The following PAX3 variants were observed in gnomAD, a reference collection of about 807,000 sequenced individuals.
The protein encoded by PAX3 is paired box protein Pax-3.
In PAX3, 14 loss-of-function variants were observed where a neutral mutation model predicts 51.6. The observed-to-expected ratio is 0.27, with a 90% CI of 0.18 to 0.42. The LOEUF is 0.42. Ranked by LOEUF, PAX3 falls within the 10% of genes least tolerant of loss-of-function variation. PAX3 has a pLI of 1.00. For synonymous variants in PAX3, 280 were observed against 253.4 expected (o/e 1.11, Z -1.00); for missense variants, 540 against 642.8 (o/e 0.84, Z 1.73).
intron 4 of PAX3, among the ~76,000 whole-genome samples, chr2:222,251,293 C>G (rs1426634850): frequency 6.6e-6 from 1 of 152,056 alleles, no homozygotes; most frequent in Non-Finnish European, 1.5e-5. Context: ...TGTGATGTTC[C>G]CCTTCCTGTG....
At chr2:222,283,838 C>T (rs550825272) in intron 4 of PAX3, among the ~76,000 whole-genome samples, 1 of 152,238 alleles carries the variant, frequency 6.6e-6, no homozygotes, top group Non-Finnish European at 1.5e-5. Context: ...CCAGTGCATG[C>T]GGGGATAAGA....
In PAX3 at chr2:222,294,286, C is replaced by A. The variant is rs768608755; in HGVS notation, c.467G>T (p.Arg156Leu). 4 of 1,614,072 alleles carry A rather than the reference C, an allele frequency of 2.5e-6. No individual in the cohort carries two copies. The highest frequency in any genetic ancestry group is 1.1e-5 in the South Asian group (1 of 91,086). The stretch of plus-strand genomic sequence containing the variant: ...TTTCCCGAATTTACTTCTCAGGATG[C>A]GGCTGATGGAACTCACTGGGGGCGG... Reference protein sequence around the residue: ...NTVPSVSSISRILRSKFGKGE... With the variant: ...NTVPSVSSISLILRSKFGKGE... The change falls in exon 4 of 9, where the codon CGC (arginine) becomes CTC (leucine). Residue 156 changes from arginine (R) to leucine (L), a missense_variant. Around this residue, in one of 3 missense-constraint regions of PAX3, gnomAD observed 427 missense variants for 483.6 expected, o/e 0.88. Transcript: ENST00000392070.
chr2:222,220,400 G>T (rs769339706), intron 6 of PAX3, 46 bp from the exon 7 acceptor site: 1 of 1,589,346 alleles, frequency 6.3e-7, no homozygotes, highest in Non-Finnish European at 8.6e-7. Context: ...TTTTAGGCCA[G>T]CAGAGAAAGT....
chr2:222,232,549 C>T (rs1042318734), intron 4 of PAX3, among the ~76,000 whole-genome samples: 3 of 152,164 alleles, frequency 2.0e-5, no homozygotes, highest in African/African-American at 7.2e-5. Flanking sequence ...AATCTCTTCT[C>T]CTACTCTATC....
chr2:222,297,534 G>A (rs529448356), intron 1 of PAX3, among the ~76,000 whole-genome samples: 9 of 152,180 alleles, frequency 5.9e-5, no homozygotes, highest in Non-Finnish European at 1.2e-4. Context: ...AGTCTAGCTT[G>A]CTCTAGAAAC....
chr2:222,276,019 G>A (rs940385512), intron 4 of PAX3, among the ~76,000 whole-genome samples: 2 of 152,190 alleles, frequency 1.3e-5, no homozygotes, highest in African/African-American at 4.8e-5. Flanking sequence ...TATTGTCTGA[G>A]TCTCCTTCTC....
intron 4 of PAX3, among the ~76,000 whole-genome samples, chr2:222,282,062 A>G (rs1694667292): frequency 6.6e-6 from 1 of 152,202 alleles, no homozygotes; most frequent in Admixed American, 6.5e-5. Context: ...ATTTTTTTAA[A>G]ACCAAATCAA....
intron 4 of PAX3, among the ~76,000 whole-genome samples, chr2:222,237,643 G>T (rs185644468): frequency 3.1e-4 from 47 of 152,252 alleles, no homozygotes; most frequent in Admixed American, 1.3e-3. Flanking sequence ...ACTTTGCCAA[G>T]ATATTAAATG....
At chr2:222,294,056 G>A (rs1695151759) in intron 4 of PAX3, 111 bp downstream of exon 4, 1 of 1,577,474 alleles carries the variant, frequency 6.3e-7, no homozygotes, top group Non-Finnish European at 8.6e-7. Flanking sequence ...CACCGCGCAT[G>A]AAGGGACCTT....
Position 222,237,471 on chromosome 2 carries a change from C to T in PAX3, c.587-5188G>A, listed in dbSNP as rs548520316. Among the ~76,000 whole-genome samples the T allele has an allele frequency of 5.9e-5, 9 of 152,178 alleles. No homozygotes were observed. In the South Asian group the frequency reaches 1.9e-3, roughly 32 times the overall value. ...TTATCCCAAATTTTGAAAAACTGCC[C>T]TGCATAAAATGAAATCTACAGAACT... On this transcript the variant is annotated intron_variant, in intron 4 of 8. Coordinates refer to ENST00000392070, the MANE Select transcript of PAX3 (RefSeq NM_181458.4).
chr2:222,262,521 A>AT (rs886275521), intron 4 of PAX3: 1 of 152,030 alleles, frequency 6.6e-6, no homozygotes, highest in African/African-American at 2.4e-5. Flanking sequence ...AAATAGATTC[A>AT]TTTTTTTCAT....
At chr2:222,277,970 C>CTTTT (rs201134751) in intron 4 of PAX3, among the ~76,000 whole-genome samples, 1 of 137,960 alleles carries the variant, frequency 7.2e-6, no homozygotes, top group East Asian at 2.1e-4. Flanking sequence ...TGTGTGATTT[C>CTTTT]TTTTTTTTTT....
chr2:222,291,198 C>T (rs1033732515), intron 4 of PAX3, among the ~76,000 whole-genome samples: 6 of 152,188 alleles, frequency 3.9e-5, no homozygotes, highest in Non-Finnish European at 5.9e-5. Flanking sequence ...GGGCGGTGCC[C>T]ACAGCCCCGG....
At chr2:222,269,258 C>G (rs972140194) in intron 4 of PAX3, among the ~76,000 whole-genome samples, 11 of 152,154 alleles carry the variant, frequency 7.2e-5, no homozygotes, top group Admixed American at 5.2e-4. Context: ...TTCAAACTGC[C>G]TTGAAAAGGC....
intron 4 of PAX3, among the ~76,000 whole-genome samples, chr2:222,258,255 A>G (rs761851752): frequency 2.4e-4 from 37 of 152,104 alleles, no homozygotes; most frequent in Non-Finnish European, 4.6e-4. Flanking sequence ...AGCCTCAATT[A>G]TTTCATCTGC....
At chr2:222,294,757 C>A (rs530897960) in intron 3 of PAX3, among the ~76,000 whole-genome samples, 1 of 82,398 alleles carries the variant, frequency 1.2e-5, no homozygotes, top group South Asian at 5.1e-4. Context: ...GACTTGTCCG[C>A]GCCCCCCCCC....
chr2:222,293,802 C>T, intron 4 of PAX3: 1 of 1,614,118 alleles, frequency 6.2e-7, no homozygotes, highest in African/African-American at 1.3e-5. Flanking sequence ...TTCAAGTACC[C>T]TCTATCCCCG....
At chr2:222,238,652 A>G (rs576805405) in intron 4 of PAX3, among the ~76,000 whole-genome samples, 8 of 152,304 alleles carry the variant, frequency 5.3e-5, no homozygotes, top group Admixed American at 5.2e-4. Flanking sequence ...TTTATTTACT[A>G]TAAGATGGCC....
chr2:222,228,755 C>A (rs1168087260), intron 5 of PAX3, among the ~76,000 whole-genome samples: 1 of 152,004 alleles, frequency 6.6e-6, no homozygotes, highest in Non-Finnish European at 1.5e-5. Context: ...AGCAACATAG[C>A]AAGACCCCAG....
Sources: gnomAD v4.1 joint callset for allele counts (sites outside exome capture counted in the v4.1 genomes callset) on GRCh38, gnomAD v4.1.1 for gene constraint, gnomAD v4.1.1 regional missense constraint, MANE v1.5 for transcripts, NCBI Gene and HGNC (gene_info 2026-07-23, HGNC 2026-07-21) for gene names.